The following VANGL1 variants were observed in gnomAD, a reference collection of about 807,000 sequenced individuals.
VANGL1 encodes vang-like protein 1.
VANGL1 carries 18 observed loss-of-function variants against 48.4 expected under a neutral mutation model. That is an observed-to-expected ratio of 0.37 (90% CI 0.26 to 0.55). The LOEUF (loss-of-function observed/expected upper bound fraction) is 0.55, where lower values mean the gene tolerates loss of function less well. VANGL1 is among the 20% of genes least tolerant of loss of function. The probability of loss-of-function intolerance (pLI) is 0.81; values close to 1 mark genes in which losing one functional copy is unlikely to be tolerated. For missense variants in VANGL1, 667 were observed against 675.8 expected (o/e 0.99, Z 0.14); for synonymous variants, 257 against 261.8 (o/e 0.98, Z 0.18).
intron 4 of VANGL1, among the ~76,000 whole-genome samples, chr1:115,665,723 G>A (rs1280022354): frequency 1.3e-5 from 2 of 152,244 alleles, no homozygotes; most frequent in African/African-American, 4.8e-5. Flanking sequence ...GTCCTTCACA[G>A]ATGCCTGTAG....
intron 2 of VANGL1, 70 bp from the exon 3 acceptor site, chr1:115,659,571 C>T (rs1652470369): frequency 6.4e-7 from 1 of 1,568,104 alleles, no homozygotes. Context: ...CAAAATGATA[C>T]TTACATTTTG....
chr1:115,663,927 A>G lies in VANGL1; in HGVS notation c.471A>G (p.Ala157=), dbSNP rs762273419. Residue 157 remains alanine (A), a synonymous_variant, in exon 4 of 8, where the codon GCA becomes GCG. Coordinates refer to ENST00000355485, the MANE Select transcript of VANGL1 (RefSeq NM_138959.3). ...GTGAGGGGCTCTTTATCTCCATGGC[A>G]TTCAAACTCCTCATTCTGCTCATAG... ...TICEGLFISM[A]FKLLILLIGT... 94 of 1,614,074 alleles carry G rather than the reference A, an allele frequency of 5.8e-5. No individual in the cohort carries two copies. The highest frequency in any genetic ancestry group is 7.5e-5 in the Non-Finnish European group (89 of 1,180,050).
At chr1:115,658,942 TAC>T (rs539690975) in intron 2 of VANGL1, among the ~76,000 whole-genome samples, 65 of 149,052 alleles carry the variant, frequency 4.4e-4, no homozygotes, top group African/African-American at 4.9e-4. Context: ...CCTCCCCATG[TAC>T]ACACACACAC....
In VANGL1 at chr1:115,687,699, C is replaced by T. The variant is rs1013770709; in HGVS notation, c.1314+2172C>T. On this transcript the variant is annotated intron_variant, in intron 7 of 7. Transcript: ENST00000355485. ...AACAGAAATTGGGTCATTGCTCTCTCTTTCTCTGTGTGTGTGTGTGTGTGT... is the reference window on the plus strand; with the variant it reads ...AACAGAAATTGGGTCATTGCTCTCTTTTTCTCTGTGTGTGTGTGTGTGTGT... Among the ~76,000 whole-genome samples the T allele has an allele frequency of 2.2e-5, 2 of 90,554 alleles. 1 individual carries two copies. The highest frequency in any genetic ancestry group is 9.1e-5 in the African/African-American group (2 of 21,862). The allele number at this position is 90,554 out of a possible 152,430, so 59.4% of individuals were successfully genotyped here.
intron 4 of VANGL1, among the ~76,000 whole-genome samples, chr1:115,677,729 A>G (rs1188008494): frequency 2.6e-5 from 4 of 152,164 alleles, no homozygotes; most frequent in Non-Finnish European, 5.9e-5. Context: ...TCCTTGTCAT[A>G]GGTTTCTGAG....
chr1:115,654,566 C>G (rs1652276215), intron 2 of VANGL1, among the ~76,000 whole-genome samples: 1 of 147,322 alleles, frequency 6.8e-6, no homozygotes, highest in Non-Finnish European at 1.5e-5. Flanking sequence ...ATAACTAAAT[C>G]TGATCAGTTT....
chr1:115,674,857 C>G (rs992335391), intron 4 of VANGL1, among the ~76,000 whole-genome samples: 3 of 152,096 alleles, frequency 2.0e-5, no homozygotes, highest in Non-Finnish European at 4.4e-5. Flanking sequence ...ATTTTAATAA[C>G]ATGTAAGAAT....
intron 4 of VANGL1, among the ~76,000 whole-genome samples, chr1:115,678,191 C>T (rs1459332455): frequency 1.3e-5 from 2 of 152,240 alleles, no homozygotes; most frequent in East Asian, 1.9e-4. Context: ...AGTCATGTGT[C>T]ATCACTGTTG....
rs1653987057 is a variant in VANGL1, at chr1:115,695,104, C to G, written c.*3725C>G. 1 of 152,202 alleles carries G rather than the reference C, an allele frequency of 6.6e-6. No individual in the cohort carries two copies. 9.4% of individuals were successfully genotyped at this position (152,202 alleles called of 1,614,324 possible). ...CTGTCCTGCAGGCAAGTCCATTAAA[C>G]TCTTTCTTGCTTTAGGACTCTGAAA... On this transcript the variant is annotated 3_prime_UTR_variant, in exon 8 of 8. Transcript: ENST00000355485.
rs141907256 is a variant in VANGL1 at position 115,655,421 on chromosome 1, G to T, written c.71+3937G>T. The stretch of plus-strand genomic sequence containing the variant: ...TAAACAGATGCATTTGCTCACACAC[G>T]TGTGGTGCAGACACATGCCCGGGCT... On this transcript the variant is annotated intron_variant, in intron 2 of 7. Coordinates refer to ENST00000355485, the MANE Select transcript of VANGL1 (RefSeq NM_138959.3). 7.2e-5 allele frequency among the ~76,000 whole-genome samples: 11 copies of T among 152,326 alleles called. No individual in the cohort carries two copies. The East Asian group carries it at 2.1e-3, about 29-fold the overall frequency.
At chr1:115,666,271 A>G (rs1390937023) in intron 4 of VANGL1, among the ~76,000 whole-genome samples, 1 of 152,184 alleles carries the variant, frequency 6.6e-6, no homozygotes, top group Non-Finnish European at 1.5e-5. Flanking sequence ...ACCATAGGTC[A>G]TGCAGGGTGG....
intron 4 of VANGL1, among the ~76,000 whole-genome samples, chr1:115,673,338 C>T (rs1653052141): frequency 6.6e-6 from 1 of 152,186 alleles, no homozygotes; most frequent in Admixed American, 6.5e-5. Flanking sequence ...AGTAGCTTCC[C>T]CTTAGTTTCC....
intron 7 of VANGL1, among the ~76,000 whole-genome samples, chr1:115,686,816 C>T (rs1432659778): frequency 6.6e-6 from 1 of 152,172 alleles, no homozygotes; most frequent in Non-Finnish European, 1.5e-5. Flanking sequence ...CTGTTTTAAG[C>T]ACATCACGTG....
intron 7 of VANGL1, among the ~76,000 whole-genome samples, chr1:115,688,182 C>T (rs1208651670): frequency 7.3e-6 from 1 of 137,444 alleles, no homozygotes; most frequent in Non-Finnish European, 1.6e-5. Flanking sequence ...CATCCGTTGG[C>T]TGTCTTTCCA....
chr1:115,655,753 T>C lies in VANGL1; in HGVS notation c.72-3888T>C, dbSNP rs548467023. ...TGCCGTGAACAGATTGTCTTCATCATTGGGGAACCCTCTCCCAGACAGCAC... is the reference window on the plus strand; with the variant it reads ...TGCCGTGAACAGATTGTCTTCATCACTGGGGAACCCTCTCCCAGACAGCAC... On this transcript the variant is annotated intron_variant, in intron 2 of 7. Transcript: ENST00000355485. 3.4e-4 allele frequency among the ~76,000 whole-genome samples: 52 copies of C among 152,320 alleles called. 1 individual carries two copies. In the South Asian group the frequency reaches 7.5e-3, roughly 22 times the overall value.
Position 115,651,370 on chromosome 1 carries a change from G to GA in VANGL1, c.-41dup. On this transcript the variant is annotated 5_prime_UTR_variant, in exon 2 of 8. Coordinates refer to ENST00000355485, the MANE Select transcript of VANGL1 (RefSeq NM_138959.3). ...AGGTGAAATTTTCTACCTCTAAGGAGAAACAGTACCTGCTCCTTCCTCAAG... is the reference window on the plus strand; with the variant it reads ...AGGTGAAATTTTCTACCTCTAAGGAGAAAACAGTACCTGCTCCTTCCTCAAG... The GA allele has an allele frequency of 6.3e-7, 1 of 1,590,374 alleles. No individual in the cohort carries two copies. Among genetic ancestry groups the GA allele is most frequent in the Non-Finnish European group, 8.6e-7 (1 of 1,160,028 alleles).
intron 4 of VANGL1, among the ~76,000 whole-genome samples, chr1:115,666,672 G>A (rs563996018): frequency 1.3e-5 from 2 of 152,194 alleles, no homozygotes; most frequent in Non-Finnish European, 2.9e-5. Context: ...GTGGTCCCCA[G>A]CCTCATCCTT....
rs1055303773 is a variant in VANGL1, at chr1:115,695,425, C to G, written c.*4046C>G. ...CTACTGTGAATTTACTACTATGTAA[C>G]CTTGTGGTCGTATTTCATTATAAAT... On this transcript the variant is annotated 3_prime_UTR_variant, in exon 8 of 8. Coordinates refer to ENST00000355485, the MANE Select transcript of VANGL1 (RefSeq NM_138959.3). 1 of 152,560 alleles carries G rather than the reference C, an allele frequency of 6.6e-6. No individual in the cohort carries two copies. Among genetic ancestry groups the G allele is most frequent in the Non-Finnish European group, 1.5e-5 (1 of 68,030 alleles). 9.5% of individuals were successfully genotyped at this position (152,560 alleles called of 1,614,324 possible).
intron 3 of VANGL1, 53 bp from the exon 4 acceptor site, chr1:115,663,608 A>G: frequency 6.2e-7 from 1 of 1,613,444 alleles, no homozygotes; most frequent in Non-Finnish European, 8.5e-7. Context: ...TGCCCTTTGT[A>G]GCTTTTACAA....
Sources: allele counts gnomAD v4.1 joint callset (sites outside exome capture counted in the v4.1 genomes callset), GRCh38; gene constraint gnomAD v4.1.1; transcripts MANE v1.5; gene names NCBI Gene and HGNC (gene_info 2026-07-23, HGNC 2026-07-21).